MLIP: variants seen among roughly 807,000 people sequenced by gnomAD.
MLIP encodes the protein muscular LMNA interacting protein, also known as muscular LMNA-interacting protein.
A neutral mutation model predicts 84.8 loss-of-function variants in MLIP; 79 were observed. The observed-to-expected ratio is 0.93, with a 90% CI of 0.78 to 1.12. The LOEUF is 1.12. Among genes scored for constraint, MLIP ranks in the 50% most tolerant of loss-of-function variants. MLIP has a pLI of 0.00. For missense variants in MLIP, 1,257 were observed against 1,160.6 expected, an observed-to-expected ratio of 1.08 and a Z score of -1.21; for synonymous variants, 504 against 463.0, an observed-to-expected ratio of 1.09 and a Z score of -1.14.
intron 1 of MLIP, chr6:54,083,598 C>T: frequency 6.5e-7 from 1 of 1,535,992 alleles, no homozygotes; most frequent in Non-Finnish European, 8.7e-7. Context: ...GCAGCTGGTA[C>T]CTTGGATTTG....
intron 1 of MLIP, among the ~76,000 whole-genome samples, chr6:54,047,785 A>G (rs906072928): frequency 2.7e-4 from 41 of 152,246 alleles, no homozygotes; most frequent in African/African-American, 9.6e-4. Context: ...TTACTGTGCT[A>G]TGCACATAGA....
intron 1 of MLIP, among the ~76,000 whole-genome samples, chr6:54,055,917 A>G (rs764894306): frequency 5.9e-5 from 9 of 152,102 alleles, no homozygotes; most frequent in Non-Finnish European, 1.2e-4. Context: ...GCTTTCATGA[A>G]GCTTAGAATC....
chr6:54,035,292 A>C (rs767029915), intron 1 of MLIP, among the ~76,000 whole-genome samples: 2 of 152,136 alleles, frequency 1.3e-5, no homozygotes, highest in African/African-American at 4.8e-5. Flanking sequence ...GTGAGGATCC[A>C]CAGTTTCTTT....
At chr6:54,209,875 C>A (rs1247511311) in intron 11 of MLIP, among the ~76,000 whole-genome samples, 1 of 151,902 alleles carries the variant, frequency 6.6e-6, no homozygotes, top group Non-Finnish European at 1.5e-5. Context: ...GACAGTAACT[C>A]CAAAAATAAT....
At chr6:54,223,717 TC>T (rs999593442) in intron 11 of MLIP, among the ~76,000 whole-genome samples, 11 of 152,094 alleles carry the variant, frequency 7.2e-5, no homozygotes, top group African/African-American at 2.7e-4. Context: ...TTTAATATTG[TC>T]TTTCTGGCTT....
At chr6:54,019,737 T>G (rs540084407) in intron 1 of MLIP, among the ~76,000 whole-genome samples, 4 of 152,184 alleles carry the variant, frequency 2.6e-5, no homozygotes, top group African/African-American at 7.2e-5. Context: ...AGAGTTAACA[T>G]TGGAACAGGT....
chr6:54,143,840 A>G (rs1001584121), intron 4 of MLIP, among the ~76,000 whole-genome samples: 1 of 152,194 alleles, frequency 6.6e-6, no homozygotes, highest in South Asian at 2.1e-4. Context: ...GGTTTGTATT[A>G]GGTGTTGAAA....
At chr6:54,121,316 G>A in intron 1 of MLIP, 131 bp from the exon 2 acceptor site, 5 of 883,988 alleles carry the variant, frequency 5.7e-6, no homozygotes, top group Non-Finnish European at 7.1e-6. Flanking sequence ...TACTTTGGCA[G>A]CCATATACAT....
chr6:54,259,389 G>A (rs1016172605), intron 13 of MLIP, among the ~76,000 whole-genome samples: 2 of 151,542 alleles, frequency 1.3e-5, no homozygotes, highest in African/African-American at 4.8e-5. Flanking sequence ...AATAATTTTG[G>A]TTCAAGTTCA....
At chr6:54,158,902 A>T (rs1561996233) in intron 5 of MLIP, among the ~76,000 whole-genome samples, 1 of 151,962 alleles carries the variant, frequency 6.6e-6, no homozygotes, top group Non-Finnish European at 1.5e-5. Context: ...GGGAAATGAC[A>T]ACCCCGCTTT....
At chr6:54,061,724 A>C (rs894726594) in intron 1 of MLIP, among the ~76,000 whole-genome samples, 34 of 152,198 alleles carry the variant, frequency 2.2e-4, no homozygotes, top group Non-Finnish European at 8.8e-5. Context: ...ACACTGAAGA[A>C]TTAGTGTAAA....
intron 11 of MLIP, chr6:54,215,495 A>C: frequency 1.3e-6 from 1 of 781,328 alleles, no homozygotes; most frequent in Non-Finnish European, 1.7e-6. Context: ...GACAAAAATT[A>C]TACCTATTTA....
chr6:54,181,220 A>C (rs115173555), intron 9 of MLIP, among the ~76,000 whole-genome samples: 1,894 of 152,260 alleles, frequency 0.012, 44 homozygotes, highest in African/African-American at 0.042. Context: ...CTCAAGCCAC[A>C]ATACAAAGTT....
chr6:54,185,748 A>G (rs1186012079), intron 9 of MLIP, among the ~76,000 whole-genome samples: 1 of 152,156 alleles, frequency 6.6e-6, no homozygotes, highest in Non-Finnish European at 1.5e-5. Context: ...TTAGGGGATC[A>G]ATAGAGAATG....
chr6:54,149,526 G>T (rs971124985), intron 5 of MLIP, among the ~76,000 whole-genome samples: 20 of 152,106 alleles, frequency 1.3e-4, no homozygotes, highest in African/African-American at 4.8e-4. Flanking sequence ...TGGCCACCTT[G>T]GGTTGTTGAC....
chr6:54,121,424 C>CTAAT, intron 1 of MLIP, 23 bp from the exon 2 acceptor site: 1 of 1,610,744 alleles, frequency 6.2e-7, no homozygotes. Flanking sequence ...GGCTGAAAGT[C>CTAAT]TAATTAACTA....
upstream of MLIP, among the ~76,000 whole-genome samples, chr6:54,110,014 G>A (rs1158749241): frequency 3.3e-5 from 3 of 89,688 alleles, no homozygotes; most frequent in Non-Finnish European, 6.6e-5. Context: ...ACGGAGTCTC[G>A]CTGTGTCGCC....
At chr6:54,072,071 G>T (rs1400296112) in intron 1 of MLIP, among the ~76,000 whole-genome samples, 1 of 152,122 alleles carries the variant, frequency 6.6e-6, no homozygotes, top group East Asian at 1.9e-4. Flanking sequence ...TGGCGAAAAG[G>T]TCTTGCATAC....
chr6:54,199,788 A>T lies in MLIP; in HGVS notation c.2590-2317A>T, dbSNP rs540142755. 2.0e-5 allele frequency among the ~76,000 whole-genome samples: 3 copies of T among 152,304 alleles called. No homozygotes were observed. The South Asian group carries it at 6.2e-4, about 32-fold the overall frequency. ...ATGAAGTATTGACTACTGGGTAACA[A>T]CAAATTAAGGTTGTTGGAGCAAAGA... On this transcript the variant is annotated intron_variant, in intron 10 of 13. Coordinates refer to ENST00000502396, the MANE Select transcript of MLIP (RefSeq NM_001281747.2).
Sources: allele counts gnomAD v4.1 joint callset (sites outside exome capture counted in the v4.1 genomes callset), GRCh38; gene constraint gnomAD v4.1.1; transcripts MANE v1.5; gene names NCBI Gene and HGNC (gene_info 2026-07-23, HGNC 2026-07-21).